SYTL5: variants seen among roughly 807,000 people sequenced by gnomAD.
The protein encoded by SYTL5 is synaptotagmin-like protein 5.
Under a neutral mutation model 55.9 loss-of-function variants are expected in SYTL5, and 34 were observed. The ratio of observed to expected loss-of-function variants is 0.61; its 90% confidence interval spans 0.46 to 0.81. SYTL5 has a LOEUF of 0.81. SYTL5 is among the 30% of genes least tolerant of loss of function. SYTL5 has a pLI of 0.00. For missense variants in SYTL5, 637 were observed against 546.7 expected (o/e 1.17, Z -1.65); for synonymous variants, 221 against 188.7 (o/e 1.17, Z -1.40).
chrX:37,900,136 A>ACC, the SYTL5 span, among the ~76,000 whole-genome samples: 1 of 111,526 alleles, frequency 9.0e-6, no homozygotes, highest in African/African-American at 3.3e-5. Context: ...ACACACACAC[A>ACC]CACACAATGG....
chrX:38,061,531 C>T (rs1935944795), intron 3 of SYTL5, among the ~76,000 whole-genome samples: 1 of 111,650 alleles, frequency 9.0e-6, no homozygotes, highest in Non-Finnish European at 1.9e-5. Context: ...GAAGGTGACT[C>T]ACTCTCTAAT....
the SYTL5 span, among the ~76,000 whole-genome samples, chrX:37,901,647 A>G: frequency 8.9e-6 from 1 of 112,341 alleles, no homozygotes; most frequent in East Asian, 2.8e-4. Flanking sequence ...CCTTGAAAAC[A>G]TTATGCTCAG....
intron 5 of SYTL5, among the ~76,000 whole-genome samples, chrX:38,075,684 A>G (rs1936373452): frequency 8.9e-6 from 1 of 112,075 alleles, no homozygotes; most frequent in African/African-American, 3.2e-5. Flanking sequence ...TTAAAGCTTC[A>G]GATGCTTTGA....
chrX:37,923,706 A>C, the SYTL5 span, among the ~76,000 whole-genome samples: 1 of 110,884 alleles, frequency 9.0e-6, no homozygotes, highest in Non-Finnish European at 1.9e-5. Flanking sequence ...ACAACAATTA[A>C]GACTTTGCTT....
At chrX:38,104,290 G>T (rs1937152716) in intron 10 of SYTL5, among the ~76,000 whole-genome samples, 1 of 111,687 alleles carries the variant, frequency 9.0e-6, no homozygotes, top group Non-Finnish European at 1.9e-5. Flanking sequence ...AGTTTGCTGT[G>T]GTGCTCTGTG....
At chrX:38,101,866 A>G (rs1394843591) in intron 9 of SYTL5, among the ~76,000 whole-genome samples, 1 of 109,716 alleles carries the variant, frequency 9.1e-6, no homozygotes, top group African/African-American at 3.3e-5. Flanking sequence ...AGAAAAAGAA[A>G]TGGGAAAGGA....
intron 2 of SYTL5, among the ~76,000 whole-genome samples, chrX:38,035,451 C>T (rs1167372410): frequency 6.3e-5 from 7 of 111,021 alleles, no homozygotes; most frequent in African/African-American, 9.8e-5. Flanking sequence ...ATTAGCCGGG[C>T]GTGGTGGCGG....
intron 5 of SYTL5, among the ~76,000 whole-genome samples, chrX:38,075,792 A>C (rs1217102267): frequency 8.9e-6 from 1 of 112,014 alleles, no homozygotes. Context: ...TCCTCTAGAA[A>C]ACTGTAGAAT....
chrX:37,965,670 C>T, the SYTL5 span, among the ~76,000 whole-genome samples: 3 of 111,707 alleles, frequency 2.7e-5, no homozygotes. Context: ...TTGATTTTTT[C>T]GTTTGGATAT....
At chrX:37,919,717 A>G in the SYTL5 span, among the ~76,000 whole-genome samples, 1 of 112,356 alleles carries the variant, frequency 8.9e-6, no homozygotes, top group Non-Finnish European at 1.9e-5. Context: ...TATTGGCCAC[A>G]TGAAACCTTT....
At position 38,126,772 on chromosome X, in the gene SYTL5, G is replaced by T. The variant is rs774640041; in HGVS notation, c.*42G>T. 8.6e-6 allele frequency: 10 copies of T among 1,162,975 alleles called. No homozygotes were observed. The East Asian group carries it at 3.0e-4, about 35-fold the overall frequency. On this transcript the variant is annotated 3_prime_UTR_variant, in exon 17 of 17. Transcript: ENST00000297875. Reference sequence around the variant, plus strand: ...AGAATGAGGCCACCAGGACCTATCTGGCTGTCTTTTCCTACCATTAGCAAA... The same window carrying T: ...AGAATGAGGCCACCAGGACCTATCTTGCTGTCTTTTCCTACCATTAGCAAA...
chrX:38,027,824 CTT>C (rs111523397), intron 1 of SYTL5, among the ~76,000 whole-genome samples: 4,967 of 90,670 alleles, frequency 0.055, 113 homozygotes, highest in African/African-American at 0.085. Flanking sequence ...AATTCTTCTT[CTT>C]TTTTTTTTTT....
rs142444385 is a variant in SYTL5, at chrX:38,010,426, G to C, written c.-357+3758G>C. On this transcript the variant is annotated intron_variant, in intron 1 of 16. Transcript: ENST00000297875. Reference sequence around the variant, plus strand: ...TTCAGATAAAAAAAAGAATGATCTTGCCATTTGGGGCAGAACTGAGCAAAT... The same window carrying C: ...TTCAGATAAAAAAAAGAATGATCTTCCCATTTGGGGCAGAACTGAGCAAAT... 9.8e-3 allele frequency among the ~76,000 whole-genome samples: 1,096 copies of C among 111,888 alleles called. 5 individuals are homozygous for C. Among genetic ancestry groups the C allele is most frequent in the South Asian group, 0.025 (65 of 2,645 alleles).
At chrX:37,946,038 G>T in the SYTL5 span, 1 of 125,094 alleles carries the variant, frequency 8.0e-6, no homozygotes, top group East Asian at 2.6e-4. Context: ...TTGCAACATG[G>T]GGATCTGCTA....
chrX:38,096,031 C>G (rs1351558681), intron 8 of SYTL5, 103 bp from the exon 9 acceptor site: 11 of 420,955 alleles, frequency 2.6e-5, no homozygotes, highest in Middle Eastern at 1.0e-3. Flanking sequence ...ATGATCTGTG[C>G]CTAAAAAGAA....
chrX:38,073,799 C>T, intron 5 of SYTL5, 101 bp downstream of exon 5: 1 of 461,412 alleles, frequency 2.2e-6, no homozygotes, highest in Middle Eastern at 3.9e-4. Context: ...TTCAATGACC[C>T]AGAGGAGGTC....
chrX:38,059,427 G>A (rs1017042221), intron 3 of SYTL5, among the ~76,000 whole-genome samples: 1 of 111,203 alleles, frequency 9.0e-6, no homozygotes, highest in African/African-American at 3.3e-5. Context: ...CTTCTGAAAG[G>A]GAATTAGGAT....
At chrX:37,934,377 A>C in the SYTL5 span, among the ~76,000 whole-genome samples, 1 of 109,460 alleles carries the variant, frequency 9.1e-6, no homozygotes, top group African/African-American at 3.3e-5. Context: ...ATTTAAAAAG[A>C]AACTTGCAAG....
chrX:38,108,718 A>G lies in SYTL5; in HGVS notation c.1434+19A>G. 1 of 1,028,158 alleles carries G rather than the reference A, an allele frequency of 9.7e-7. No homozygotes were observed. The highest frequency in any genetic ancestry group is 1.4e-6 in the Non-Finnish European group (1 of 739,586). 84.7% of individuals were successfully genotyped at this position (1,028,158 alleles called of 1,213,427 possible). ...ACTAAAGGTAAATAAATACGGTCTCATAGTAACTCATGTGGTACTGTTCAC... is the reference window on the plus strand; with the variant it reads ...ACTAAAGGTAAATAAATACGGTCTCGTAGTAACTCATGTGGTACTGTTCAC... On this transcript the variant is annotated intron_variant, in intron 12 of 16. Coordinates refer to ENST00000297875, the MANE Select transcript of SYTL5 (RefSeq NM_138780.3).
Sources: gnomAD v4.1 joint callset for allele counts (sites outside exome capture counted in the v4.1 genomes callset) on GRCh38, gnomAD v4.1.1 for gene constraint, MANE v1.5 for transcripts, NCBI Gene and HGNC (gene_info 2026-07-23, HGNC 2026-07-21) for gene names.